The following GNG2 variants were observed in gnomAD, a reference collection of about 807,000 sequenced individuals.
The protein encoded by GNG2 is G protein subunit gamma 2, also known as guanine nucleotide-binding protein G(I)/G(S)/G(O) subunit gamma-2.
In GNG2, 5 loss-of-function variants were observed where a neutral mutation model predicts 5.5. The ratio of observed to expected loss-of-function variants is 0.91; its 90% CI spans 0.48 to 1.92. The LOEUF (loss-of-function observed/expected upper bound fraction) is 1.92, where lower values mean the gene tolerates loss of function less well. Among genes scored for constraint, GNG2 ranks in the 30% most tolerant of loss-of-function variants. The pLI is 0.01. For synonymous variants in GNG2, 28 were observed against 32.0 expected, an observed-to-expected ratio of 0.88 and a Z score of 0.42; for missense variants, 55 against 88.4, an observed-to-expected ratio of 0.62 and a Z score of 1.52.
intron 2 of GNG2, chr14:51,940,140 T>A (rs1888231350): frequency 6.6e-6 from 1 of 152,150 alleles, no homozygotes; most frequent in South Asian, 2.1e-4. Flanking sequence ...GCCTGTAAAA[T>A]CTAATTTCTG....
At chr14:51,926,269 G>T (rs942109916) in intron 2 of GNG2, among the ~76,000 whole-genome samples, 2 of 151,996 alleles carry the variant, frequency 1.3e-5, no homozygotes, top group Non-Finnish European at 2.9e-5. Context: ...GCACATTTAA[G>T]CTTATTTAGG....
At chr14:51,868,843 A>G (rs1883108613) in intron 1 of GNG2, among the ~76,000 whole-genome samples, 1 of 152,180 alleles carries the variant, frequency 6.6e-6, no homozygotes, top group South Asian at 2.1e-4. Flanking sequence ...GATTTTATTT[A>G]GTTCAAATTG....
chr14:51,927,424 A>G (rs571938522), intron 2 of GNG2, among the ~76,000 whole-genome samples: 11 of 152,354 alleles, frequency 7.2e-5, no homozygotes, highest in South Asian at 2.1e-4. Flanking sequence ...TTCTTATTCA[A>G]TATAACAGAT....
intron 2 of GNG2, among the ~76,000 whole-genome samples, chr14:51,949,702 A>G (rs1164999129): frequency 6.6e-6 from 1 of 152,230 alleles, no homozygotes; most frequent in African/African-American, 2.4e-5. Context: ...AGGTAGTCCT[A>G]AAATTGCATA....
intron 2 of GNG2, among the ~76,000 whole-genome samples, chr14:51,937,679 G>C (rs931452510): frequency 1.7e-5 from 2 of 119,304 alleles, no homozygotes; most frequent in Admixed American, 1.0e-4. Flanking sequence ...ACATTGTGCA[G>C]GTTAGTTACA....
intron 2 of GNG2, among the ~76,000 whole-genome samples, chr14:51,878,463 A>T (rs887201293): frequency 6.6e-6 from 1 of 152,054 alleles, no homozygotes; most frequent in Non-Finnish European, 1.5e-5. Context: ...CCATTGGATT[A>T]TGGGTGCTTG....
At chr14:51,878,365 G>A (rs999505359) in intron 2 of GNG2, among the ~76,000 whole-genome samples, 1 of 151,860 alleles carries the variant, frequency 6.6e-6, no homozygotes, top group Non-Finnish European at 1.5e-5. Context: ...TATAATGAAC[G>A]CCTACATCCC....
intron 2 of GNG2, among the ~76,000 whole-genome samples, chr14:51,911,769 A>T (rs1487941949): frequency 6.8e-6 from 1 of 147,788 alleles, no homozygotes; most frequent in Non-Finnish European, 1.5e-5. Flanking sequence ...ACCGGTCTCC[A>T]AACTCCTAGC....
At chr14:51,934,902 C>T (rs759543583) in intron 2 of GNG2, among the ~76,000 whole-genome samples, 1 of 152,126 alleles carries the variant, frequency 6.6e-6, no homozygotes, top group Non-Finnish European at 1.5e-5. Context: ...AGTGCAGAGA[C>T]GTTCTTAGCA....
chr14:51,943,957 A>G (rs1888497761), intron 2 of GNG2, among the ~76,000 whole-genome samples: 1 of 152,234 alleles, frequency 6.6e-6, no homozygotes, highest in Admixed American at 6.5e-5. Context: ...ATTCATATAG[A>G]TTCTCAAAGA....
intron 2 of GNG2, among the ~76,000 whole-genome samples, chr14:51,936,837 C>G (rs1888037835): frequency 6.6e-6 from 1 of 152,108 alleles, no homozygotes; most frequent in Non-Finnish European, 1.5e-5. Context: ...GTCACCACAC[C>G]TAGCTGTGAA....
chr14:51,880,528 A>T (rs1883979002), intron 2 of GNG2, among the ~76,000 whole-genome samples: 1 of 152,160 alleles, frequency 6.6e-6, no homozygotes, highest in African/African-American at 2.4e-5. Context: ...TCATCTTTTG[A>T]GTAGAATATG....
chr14:51,966,439 AG>A, intron 3 of GNG2, 119 bp from the exon 4 acceptor site: 2 of 818,822 alleles, frequency 2.4e-6, no homozygotes, highest in South Asian at 1.6e-5. Context: ...AAGCTTTTAG[AG>A]GCTGAGTATC....
At chr14:51,965,947 G>T (rs558821199) in intron 3 of GNG2, among the ~76,000 whole-genome samples, 1 of 151,988 alleles carries the variant, frequency 6.6e-6, no homozygotes. Flanking sequence ...AGTGGCTCAC[G>T]TCTGTAATCC....
At chr14:51,927,255 A>T (rs1194598784) in intron 2 of GNG2, among the ~76,000 whole-genome samples, 2 of 5,720 alleles carry the variant, frequency 3.5e-4, no homozygotes, top group Non-Finnish European at 4.6e-4. Flanking sequence ...ATAACAGGAG[A>T]CCTCAAAAGT....
At chr14:51,891,224 T>C (rs1472254969) in intron 2 of GNG2, among the ~76,000 whole-genome samples, 1 of 152,224 alleles carries the variant, frequency 6.6e-6, no homozygotes, top group Non-Finnish European at 1.5e-5. Flanking sequence ...ATCTGTGTCC[T>C]ACTTTAAGGC....
chr14:51,887,772 T>A (rs551626944), intron 2 of GNG2, among the ~76,000 whole-genome samples: 2 of 152,244 alleles, frequency 1.3e-5, no homozygotes, highest in South Asian at 4.1e-4. Flanking sequence ...GTATGAAAAA[T>A]GAGAATAACT....
chr14:51,894,229 C>T (rs1566670150), intron 2 of GNG2, among the ~76,000 whole-genome samples: 1 of 152,068 alleles, frequency 6.6e-6, no homozygotes, highest in East Asian at 1.9e-4. Flanking sequence ...CTTCTCAATT[C>T]AAATATATCG....
chr14:51,899,530 T>C (rs1444046710), intron 2 of GNG2, among the ~76,000 whole-genome samples: 2 of 152,226 alleles, frequency 1.3e-5, no homozygotes, highest in African/African-American at 4.8e-5. Flanking sequence ...CACATTGTTG[T>C]TCAACCATGA....
Sources: allele counts gnomAD v4.1 joint callset (sites outside exome capture counted in the v4.1 genomes callset), GRCh38; gene constraint gnomAD v4.1.1; transcripts MANE v1.5; gene names NCBI Gene and HGNC (gene_info 2026-07-23, HGNC 2026-07-21).